GALNT5: variants seen among roughly 807,000 people sequenced by gnomAD.
The protein encoded by GALNT5 is polypeptide N-acetylgalactosaminyltransferase 5, also known as UDP-GalNAc:polypeptide N-acetylgalactosaminyltransferase 5.
Under a neutral mutation model 85.4 loss-of-function variants are expected in GALNT5, and 72 were observed. That is an observed-to-expected ratio of 0.84 (90% CI 0.70 to 1.03). GALNT5 has a LOEUF of 1.03. Ranked by LOEUF, GALNT5 falls within the 50% of genes least tolerant of loss-of-function variation. The probability of loss-of-function intolerance (pLI) is 0.00; values close to 1 mark genes in which losing one functional copy is unlikely to be tolerated. For missense variants in GALNT5, 1,137 were observed against 1,135.5 expected (o/e 1.00, Z -0.02); for synonymous variants, 404 against 397.0 (o/e 1.02, Z -0.21).
chr2:157,305,967 T>C (rs1440259131), intron 8 of GALNT5, 138 bp downstream of exon 8: 2 of 580,862 alleles, frequency 3.4e-6, no homozygotes, highest in Admixed American at 3.2e-5. Flanking sequence ...AGTCCACCAC[T>C]AAACACAAAG....
chr2:157,296,813 A>T (rs1683222162), intron 5 of GALNT5, among the ~76,000 whole-genome samples: 1 of 152,236 alleles, frequency 6.6e-6, no homozygotes, highest in Non-Finnish European at 1.5e-5. Flanking sequence ...CATACATACT[A>T]TACAAACACA....
chr2:157,315,027 G>A lies in GALNT5; in HGVS notation c.*3679G>A, dbSNP rs1683668126. Among the ~76,000 whole-genome samples the A allele has an allele frequency of 1.3e-5, 2 of 152,082 alleles. No individual in the cohort carries two copies. The highest frequency in any genetic ancestry group is 4.8e-5 in the African/African-American group (2 of 41,394). On this transcript the variant is annotated 3_prime_UTR_variant, in exon 10 of 10. Coordinates refer to ENST00000259056, the MANE Select transcript of GALNT5 (RefSeq NM_014568.3). ...CGGGAGGTGGAGGTTGCAGTGAGCT[G>A]AAATTGCGCCACTGCACTCCAGCCT...
intron 1 of GALNT5, among the ~76,000 whole-genome samples, chr2:157,268,642 G>A (rs56338736): frequency 1.3e-5 from 2 of 152,164 alleles, no homozygotes; most frequent in African/African-American, 4.8e-5. Context: ...TAAAAACTTA[G>A]TCTCTTGTCA....
chr2:157,292,144 G>C (rs1329123097), intron 3 of GALNT5, among the ~76,000 whole-genome samples: 2 of 152,164 alleles, frequency 1.3e-5, no homozygotes, highest in African/African-American at 4.8e-5. Context: ...GCTCAAAAAA[G>C]TTAAGTAACT....
chr2:157,295,703 C>T lies in GALNT5; in HGVS notation c.1782C>T (p.Asn594=), dbSNP rs1204977229. ...TTTTAGATTCTCATGTGGAATGTAA[C>T]GTTGGTTGGTTGGAACCTCTTCTGG... ...LTFLDSHVEC[N]VGWLEPLLER... Residue 594 remains asparagine, a synonymous_variant, in exon 4 of 10, where the codon AAC becomes AAT. Coordinates refer to ENST00000259056, the MANE Select transcript of GALNT5 (RefSeq NM_014568.3). 13 of 1,612,140 alleles carry T rather than the reference C, an allele frequency of 8.1e-6. No homozygotes were observed. The highest frequency in any genetic ancestry group is 1.3e-5 in the African/African-American group (1 of 74,806).
At chr2:157,268,792 CCAAGA>C (rs112800972) in intron 1 of GALNT5, among the ~76,000 whole-genome samples, 24,572 of 151,636 alleles carry the variant, frequency 0.16, 4,350 homozygotes, top group African/African-American at 0.44. Context: ...AGATTCCCCC[CCAAGA>C]CAAAGAGATT....
At chr2:157,282,920 TAG>T (rs1296694153) in intron 1 of GALNT5, among the ~76,000 whole-genome samples, 1 of 152,216 alleles carries the variant, frequency 6.6e-6, no homozygotes, top group Non-Finnish European at 1.5e-5. Flanking sequence ...TTGGCAACAC[TAG>T]AGTGTCATGC....
intron 1 of GALNT5, among the ~76,000 whole-genome samples, chr2:157,266,636 T>G (rs931760495): frequency 6.6e-6 from 1 of 152,220 alleles, no homozygotes. Context: ...TATGAGATAT[T>G]AACTTTCATA....
At chr2:157,280,700 C>T (rs1413541191) in intron 1 of GALNT5, among the ~76,000 whole-genome samples, 1 of 152,112 alleles carries the variant, frequency 6.6e-6, no homozygotes, top group Admixed American at 6.5e-5. Flanking sequence ...CCCTTCAAAT[C>T]TCATGTTGAA....
At chr2:157,302,840 C>G (rs1291649425) in intron 7 of GALNT5, among the ~76,000 whole-genome samples, 1 of 152,204 alleles carries the variant, frequency 6.6e-6, no homozygotes, top group Non-Finnish European at 1.5e-5. Flanking sequence ...TTAACAAATT[C>G]CTTCTATTTT....
intron 1 of GALNT5, among the ~76,000 whole-genome samples, chr2:157,282,594 T>C (rs141076244): frequency 1.3e-5 from 2 of 152,332 alleles, no homozygotes; most frequent in African/African-American, 4.8e-5. Context: ...ATAATGTTTA[T>C]ATGTAATCTT....
chr2:157,280,950 C>T (rs1351373129), intron 1 of GALNT5, among the ~76,000 whole-genome samples: 1 of 152,196 alleles, frequency 6.6e-6, no homozygotes, highest in Non-Finnish European at 1.5e-5. Context: ...CCTGAGGCCT[C>T]ACCAAGAGCT....
At chr2:157,284,542 TGA>T in intron 2 of GALNT5, 94 bp downstream of exon 2, 7 of 870,388 alleles carry the variant, frequency 8.0e-6, no homozygotes, top group South Asian at 1.5e-5. Context: ...TAGGATAATT[TGA>T]TGAAGCATAA....
chr2:157,283,944 AAT>A (rs1216797533), intron 1 of GALNT5, among the ~76,000 whole-genome samples: 1 of 152,196 alleles, frequency 6.6e-6, no homozygotes, highest in East Asian at 1.9e-4. Flanking sequence ...TGAGATTTGA[AAT>A]AGAGTCTAAC....
intron 2 of GALNT5, among the ~76,000 whole-genome samples, chr2:157,285,603 T>G (rs971056626): frequency 5.9e-5 from 9 of 151,792 alleles, no homozygotes; most frequent in African/African-American, 1.9e-4. Flanking sequence ...AATGAAAGGG[T>G]CTTATTTGCA....
intron 8 of GALNT5, among the ~76,000 whole-genome samples, chr2:157,307,621 A>C (rs140643845): frequency 5.9e-5 from 9 of 152,306 alleles, no homozygotes; most frequent in Non-Finnish European, 1.0e-4. Flanking sequence ...CTCCCAGCTG[A>C]TGCGGATGTT....
intron 5 of GALNT5, among the ~76,000 whole-genome samples, chr2:157,298,344 C>A (rs1444384127): frequency 6.6e-6 from 1 of 152,160 alleles, no homozygotes; most frequent in Non-Finnish European, 1.5e-5. Flanking sequence ...TTTCCCCACA[C>A]CCGAGTAACA....
chr2:157,258,236 A>G lies in GALNT5; in HGVS notation c.154A>G (p.Arg52Gly). 1 of 1,613,408 alleles carries G rather than the reference A, an allele frequency of 6.2e-7. No homozygotes were observed. The highest frequency in any genetic ancestry group is 8.5e-7 in the Non-Finnish European group (1 of 1,179,726). Residue 52 changes from arginine to glycine, a missense_variant, in exon 1 of 10, where the codon AGG (arginine) becomes GGG (glycine). Transcript: ENST00000259056. Reference protein sequence around the residue: ...TRVIKEDIVRRERIGFRVQPD... With the variant: ...TRVIKEDIVRGERIGFRVQPD... ...GGTCATCAAGGAAGACATTGTGAGGAGGGAGCGGATAGGATTCAGAGTTCA... is the reference window on the plus strand; with the variant it reads ...GGTCATCAAGGAAGACATTGTGAGGGGGGAGCGGATAGGATTCAGAGTTCA...
intron 1 of GALNT5, among the ~76,000 whole-genome samples, chr2:157,266,573 ATGTGTGTGTGTT>A (rs1459230301): frequency 3.3e-5 from 5 of 152,096 alleles, no homozygotes; most frequent in Non-Finnish European, 2.9e-5. Flanking sequence ...ATGTAGACTT[ATGTGTGTGTGTT>A]TGTGTGTGTG....
Sources: allele counts gnomAD v4.1 joint callset (sites outside exome capture counted in the v4.1 genomes callset), GRCh38; gene constraint gnomAD v4.1.1; transcripts MANE v1.5; gene names NCBI Gene and HGNC (gene_info 2026-07-23, HGNC 2026-07-21).